SLC39A11: variants seen among roughly 807,000 people sequenced by gnomAD.
The protein encoded by SLC39A11 is solute carrier family 39 member 11.
Under a neutral mutation model 36.1 loss-of-function variants are expected in SLC39A11, and 33 were observed. The ratio of observed to expected loss-of-function variants is 0.91; its 90% CI spans 0.69 to 1.22. The LOEUF is 1.22. Among genes scored for constraint, SLC39A11 ranks in the 50% most tolerant of loss-of-function variants. The pLI, the probability that SLC39A11 is intolerant of heterozygous loss-of-function variation, is 0.00. For missense variants in SLC39A11, 432 were observed against 430.3 expected (o/e 1.00, Z -0.03); for synonymous variants, 166 against 170.3 (o/e 0.97, Z 0.20).
intron 5 of SLC39A11, among the ~76,000 whole-genome samples, chr17:72,947,010 T>C (rs141193098): frequency 2.1e-4 from 32 of 152,290 alleles, no homozygotes; most frequent in African/African-American, 5.5e-4. Context: ...TGGCTCCAAA[T>C]TGAATCAGTG....
At chr17:73,077,327 G>A (rs952143550) in intron 3 of SLC39A11, among the ~76,000 whole-genome samples, 2 of 152,166 alleles carry the variant, frequency 1.3e-5, no homozygotes, top group African/African-American at 4.8e-5. Context: ...GTTTGTTATT[G>A]TTGTTTTGGG....
At chr17:73,061,402 G>A (rs2059835932) in intron 3 of SLC39A11, among the ~76,000 whole-genome samples, 1 of 152,038 alleles carries the variant, frequency 6.6e-6, no homozygotes, top group African/African-American at 2.4e-5. Context: ...GAAACTCACT[G>A]GTTCATAAAA....
Position 72,795,059 on chromosome 17 carries a change from G to A in SLC39A11, c.601+54575C>T, listed in dbSNP as rs146292227. On this transcript the variant is annotated intron_variant, in intron 6 of 9. Coordinates refer to ENST00000255559, the MANE Select transcript of SLC39A11 (RefSeq NM_139177.4). Reference sequence around the variant, plus strand: ...AAGTTATGATAACATTTTCAGGTACGCAGAGTATCAAATAATTTATCTCCC... The same window carrying A: ...AAGTTATGATAACATTTTCAGGTACACAGAGTATCAAATAATTTATCTCCC... Among the ~76,000 whole-genome samples, 12 of 152,248 alleles carry A rather than the reference G, an allele frequency of 7.9e-5. 1 individual carries two copies. The highest frequency in any genetic ancestry group is 2.2e-4 in the African/African-American group (9 of 41,506).
intron 5 of SLC39A11, among the ~76,000 whole-genome samples, chr17:72,852,214 A>AAAAAAAAAAAAAAAAG: frequency 6.8e-6 from 1 of 147,896 alleles, no homozygotes; most frequent in Non-Finnish European, 1.5e-5. Flanking sequence ...CAAAAAAAAA[A>AAAAAAAAAAAAAAAAG]AAAAAAAAAA....
intron 5 of SLC39A11, among the ~76,000 whole-genome samples, chr17:72,939,289 C>T (rs1404803018): frequency 6.6e-6 from 1 of 152,002 alleles, no homozygotes; most frequent in African/African-American, 2.4e-5. Context: ...GGTGAAACCC[C>T]ATCTTTACTA....
intron 4 of SLC39A11, among the ~76,000 whole-genome samples, chr17:73,006,484 G>A (rs1354263901): frequency 6.6e-6 from 1 of 152,096 alleles, no homozygotes; most frequent in African/African-American, 2.4e-5. Flanking sequence ...GATGGGGAGG[G>A]GAGAGACAGC....
intron 3 of SLC39A11, among the ~76,000 whole-genome samples, chr17:73,057,189 C>T (rs1186422772): frequency 1.3e-5 from 2 of 152,164 alleles, no homozygotes; most frequent in Admixed American, 6.5e-5. Flanking sequence ...TGGTCTTGAA[C>T]TCCTGGGCTC....
intron 6 of SLC39A11, among the ~76,000 whole-genome samples, chr17:72,832,072 T>C (rs774400100): frequency 6.6e-6 from 1 of 152,180 alleles, no homozygotes; most frequent in Non-Finnish European, 1.5e-5. Context: ...GTACAAGATA[T>C]AAGACAAAAT....
At chr17:72,823,169 C>T (rs2077868659) in intron 6 of SLC39A11, among the ~76,000 whole-genome samples, 1 of 151,270 alleles carries the variant, frequency 6.6e-6, no homozygotes, top group Non-Finnish European at 1.5e-5. Flanking sequence ...ACCGTGAGAA[C>T]TCTCTCTGTG....
intron 5 of SLC39A11, among the ~76,000 whole-genome samples, chr17:72,931,301 T>G (rs1219231783): frequency 6.6e-6 from 1 of 152,084 alleles, no homozygotes; most frequent in Non-Finnish European, 1.5e-5. Context: ...GAAGTACTGG[T>G]GGACTGCAGA....
intron 5 of SLC39A11, among the ~76,000 whole-genome samples, chr17:72,928,018 G>A (rs2084157432): frequency 6.6e-6 from 1 of 152,114 alleles, no homozygotes; most frequent in South Asian, 2.1e-4. Context: ...TGAATTTGAT[G>A]TGCTCAAATA....
chr17:73,004,536 T>G (rs1349424406), intron 4 of SLC39A11, among the ~76,000 whole-genome samples: 2 of 152,094 alleles, frequency 1.3e-5, no homozygotes, highest in African/African-American at 4.8e-5. Flanking sequence ...ATACTGAGAG[T>G]TGGGGCTTCA....
intron 7 of SLC39A11, among the ~76,000 whole-genome samples, chr17:72,714,082 G>C (rs555745825): frequency 6.6e-6 from 1 of 152,290 alleles, no homozygotes; most frequent in East Asian, 1.9e-4. Context: ...CAGGCCGGGC[G>C]CGGTGGCTAA....
intron 7 of SLC39A11, among the ~76,000 whole-genome samples, chr17:72,706,867 A>G (rs758243513): frequency 1.3e-5 from 2 of 152,192 alleles, no homozygotes; most frequent in Admixed American, 6.5e-5. Flanking sequence ...AAACAGAATC[A>G]CTGAGTAACA....
At chr17:72,906,774 C>G (rs1396478056) in intron 5 of SLC39A11, among the ~76,000 whole-genome samples, 1 of 152,224 alleles carries the variant, frequency 6.6e-6, no homozygotes, top group Non-Finnish European at 1.5e-5. Context: ...GATGCTTTCC[C>G]TGGACAGCAA....
chr17:73,076,096 C>A (rs1432261035), intron 3 of SLC39A11, among the ~76,000 whole-genome samples: 1 of 151,726 alleles, frequency 6.6e-6, no homozygotes, highest in East Asian at 1.9e-4. Context: ...ACTCTAGGAT[C>A]CTGAGAGGGA....
At chr17:72,960,372 C>G (rs1014557409) in intron 4 of SLC39A11, among the ~76,000 whole-genome samples, 7 of 152,018 alleles carry the variant, frequency 4.6e-5, no homozygotes, top group Non-Finnish European at 1.0e-4. Flanking sequence ...GATAGGTAGC[C>G]TCTTGTATAC....
At chr17:72,751,557 T>G (rs923862832) in intron 6 of SLC39A11, among the ~76,000 whole-genome samples, 15 of 152,144 alleles carry the variant, frequency 9.9e-5, no homozygotes, top group Admixed American at 9.2e-4. Flanking sequence ...TGTACAGCCA[T>G]CGCCACCACC....
chr17:72,791,314 C>T (rs149740114), intron 6 of SLC39A11, among the ~76,000 whole-genome samples: 4 of 152,194 alleles, frequency 2.6e-5, no homozygotes, highest in Non-Finnish European at 5.9e-5. Context: ...ATTAGCCGAG[C>T]GTGGTGGTGC....
Sources: allele counts gnomAD v4.1 joint callset (sites outside exome capture counted in the v4.1 genomes callset), GRCh38; gene constraint gnomAD v4.1.1; transcripts MANE v1.5; gene names NCBI Gene and HGNC (gene_info 2026-07-23, HGNC 2026-07-21).